The following CCR5AS variants were observed in gnomAD, a reference collection of about 807,000 sequenced individuals.
CCR5AS encodes the protein CCR5 antisense RNA.
intron 2 of CCR5AS, among the ~76,000 whole-genome samples, chr3:46,389,494 G>A (rs1373982165): frequency 6.6e-6 from 1 of 152,176 alleles, no homozygotes; most frequent in African/African-American, 2.4e-5. Context: ...TTAGCAGCCT[G>A]GCGAATTTCC....
At chr3:46,401,198 A>G (rs1702003074) in intron 1 of CCR5AS, among the ~76,000 whole-genome samples, 1 of 152,204 alleles carries the variant, frequency 6.6e-6, no homozygotes, top group Non-Finnish European at 1.5e-5. Flanking sequence ...AAGTGGCTTT[A>G]TGTGTTCCAA....
At position 46,373,776 on chromosome 3, in the gene CCR5AS, A is replaced by G. The variant is rs375777270; in HGVS notation, n.392-2359T>C. ...GACTCTTGGGATGACGCACTGCTGC[A>G]TCAACCCCATCATCTATGCCTTTGT... On this transcript the variant is annotated intron_variant and non_coding_transcript_variant, in intron 2 of 3. Transcript: ENST00000451485. 7 of 1,613,710 alleles carry G rather than the reference A, an allele frequency of 4.3e-6. No homozygotes were observed. The highest frequency in any genetic ancestry group is 1.6e-4 in the Middle Eastern group (1 of 6,082).
intron 1 of CCR5AS, among the ~76,000 whole-genome samples, chr3:46,405,556 G>A (rs1016174016): frequency 1.3e-5 from 2 of 152,132 alleles, no homozygotes; most frequent in Non-Finnish European, 2.9e-5. Flanking sequence ...TGCAGGAGGT[G>A]GAGAGACCCA....
At chr3:46,366,703 G>A (rs956855772) in intron 3 of CCR5AS, among the ~76,000 whole-genome samples, 7 of 152,306 alleles carry the variant, frequency 4.6e-5, no homozygotes, top group Admixed American at 2.0e-4. Context: ...ACCCACCCAC[G>A]ATGATAGGTG....
chr3:46,384,855 TGATAGATAGATAGATAGATAGATAGATA>T (rs72247341), intron 2 of CCR5AS, among the ~76,000 whole-genome samples: 4 of 144,030 alleles, frequency 2.8e-5, no homozygotes, highest in Non-Finnish European at 4.5e-5. Context: ...GGTACATAGA[TGATAGATAGATAGATAGATAGATAGATA>T]GATAGATAGA....
At chr3:46,402,787 G>A (rs2027820) in intron 1 of CCR5AS, among the ~76,000 whole-genome samples, 115,282 of 152,148 alleles carry the variant, frequency 0.76, 44,485 homozygotes, top group African/African-American at 0.91. Context: ...AGCTTGTTAC[G>A]TAGGTAACCT....
At chr3:46,385,742 T>A (rs547994573) in intron 2 of CCR5AS, among the ~76,000 whole-genome samples, 3,049 of 151,358 alleles carry the variant, frequency 0.02, 61 homozygotes, top group African/African-American at 0.051. Flanking sequence ...TTATTTATTA[T>A]TTATTTATTT....
chr3:46,375,668 G>A (rs776525395), intron 2 of CCR5AS: 1 of 162,890 alleles, frequency 6.1e-6, no homozygotes, highest in Non-Finnish European at 1.5e-5. Flanking sequence ...ATGGGGGTGG[G>A]GGGGGCGCCT....
chr3:46,391,921 G>T (rs530852339), intron 2 of CCR5AS, among the ~76,000 whole-genome samples: 1 of 152,194 alleles, frequency 6.6e-6, no homozygotes, highest in African/African-American at 2.4e-5. Flanking sequence ...AGACAGGAGA[G>T]AAAGAGGAAA....
At chr3:46,395,228 T>C (rs1391083586) in intron 1 of CCR5AS, among the ~76,000 whole-genome samples, 2 of 151,866 alleles carry the variant, frequency 1.3e-5, no homozygotes, top group South Asian at 2.1e-4. Context: ...GTCAATTAGT[T>C]TGGTTTTCAG....
At chr3:46,406,863 C>T (rs1378052284) in intron 1 of CCR5AS, 2 of 152,192 alleles carry the variant, frequency 1.3e-5, no homozygotes, top group Non-Finnish European at 2.9e-5. Flanking sequence ...GCACACAGTG[C>T]CCCTCAAAAA....
At chr3:46,395,143 G>A (rs1416897062) in intron 1 of CCR5AS, among the ~76,000 whole-genome samples, 1 of 152,130 alleles carries the variant, frequency 6.6e-6, no homozygotes, top group East Asian at 1.9e-4. Context: ...GGATTATCAG[G>A]ACTTTTAGGG....
chr3:46,397,967 G>A (rs775789855), intron 1 of CCR5AS, among the ~76,000 whole-genome samples: 42 of 152,222 alleles, frequency 2.8e-4, no homozygotes, highest in Non-Finnish European at 4.7e-4. Context: ...ACTCCGACAC[G>A]GGGCAGACAG....
chr3:46,372,221 G>A (rs887703176), intron 2 of CCR5AS, among the ~76,000 whole-genome samples: 12 of 152,112 alleles, frequency 7.9e-5, no homozygotes, highest in Non-Finnish European at 1.2e-4. Context: ...TAACTCTAGC[G>A]TCAATAAAAA....
chr3:46,365,426 G>A (rs2106733573), intron 3 of CCR5AS, among the ~76,000 whole-genome samples: 1 of 152,272 alleles, frequency 6.6e-6, no homozygotes, highest in Non-Finnish European at 1.5e-5. Context: ...TATGCACATT[G>A]GTTTTTCTGA....
chr3:46,387,233 C>A (rs1220145992), intron 2 of CCR5AS, among the ~76,000 whole-genome samples: 1 of 152,164 alleles, frequency 6.6e-6, no homozygotes. Flanking sequence ...TGATGCAGCC[C>A]TACAGACGCA....
At chr3:46,404,814 C>T (rs563787146) in intron 1 of CCR5AS, among the ~76,000 whole-genome samples, 3 of 152,276 alleles carry the variant, frequency 2.0e-5, no homozygotes, top group East Asian at 1.9e-4. Flanking sequence ...TTGGTGCATC[C>T]CCAGCACCTG....
chr3:46,390,974 A>G lies in CCR5AS; in HGVS notation n.391+1851T>C, dbSNP rs151327091. Among the ~76,000 whole-genome samples the G allele has an allele frequency of 1.8e-3, 278 of 152,328 alleles. 1 individual carries two copies. Among genetic ancestry groups the G allele is most frequent in the African/African-American group, 6.5e-3 (269 of 41,580 alleles). ...TACCCTCCACTGTAAGAGTTACCCA[A>G]AGCATCTGTGATGGTCCAGGAGGCT... On this transcript the variant is annotated intron_variant and non_coding_transcript_variant, in intron 2 of 3. Coordinates refer to ENST00000451485, the Ensembl canonical transcript of CCR5AS.
chr3:46,368,038 A>C (rs1409261809), intron 3 of CCR5AS, among the ~76,000 whole-genome samples: 2 of 152,200 alleles, frequency 1.3e-5, no homozygotes, highest in African/African-American at 2.4e-5. Context: ...CCTTGCACCC[A>C]AAGTGAATAA....
Sources: gnomAD v4.1 joint callset for allele counts (sites outside exome capture counted in the v4.1 genomes callset) on GRCh38, gnomAD v4.1.1 for gene constraint, MANE v1.5 for transcripts, NCBI Gene and HGNC (gene_info 2026-07-23, HGNC 2026-07-21) for gene names.